Variants in SPATA1 observed in about 807,000 individuals in gnomAD.
The protein encoded by SPATA1 is spermatogenesis associated 1.
Under a neutral mutation model 59.6 loss-of-function variants are expected in SPATA1, and 57 were observed. The observed-to-expected ratio is 0.96, with a 90% confidence interval of 0.77 to 1.19. The LOEUF is 1.19. SPATA1 is among the 50% of genes most tolerant of loss of function. The probability of loss-of-function intolerance (pLI) is 0.00; values close to 1 mark genes in which losing one functional copy is unlikely to be tolerated. For synonymous variants in SPATA1, 147 were observed against 163.9 expected, an observed-to-expected ratio of 0.90 and a Z score of 0.79; for missense variants, 448 against 480.7, an observed-to-expected ratio of 0.93 and a Z score of 0.64.
intron 1 of SPATA1, among the ~76,000 whole-genome samples, chr1:84,511,073 A>G (rs1209275076): frequency 6.6e-6 from 1 of 152,224 alleles, no homozygotes. Flanking sequence ...GATAAAGTGA[A>G]TAAAATCTAG....
downstream of SPATA1, chr1:84,555,160 G>A (rs1440724696): frequency 1.9e-6 from 3 of 1,613,730 alleles, no homozygotes; most frequent in Non-Finnish European, 2.5e-6. Context: ...ATACTCTGAG[G>A]GTTATCATAC....
chr1:84,523,705 T>C (rs1223278552), intron 4 of SPATA1, among the ~76,000 whole-genome samples: 1 of 152,188 alleles, frequency 6.6e-6, no homozygotes, highest in African/African-American at 2.4e-5. Context: ...GAAGAGGTTT[T>C]GGTTATCAGA....
At chr1:84,513,714 A>G (rs1682673412) in intron 1 of SPATA1, among the ~76,000 whole-genome samples, 1 of 152,128 alleles carries the variant, frequency 6.6e-6, no homozygotes. Flanking sequence ...TCTCACTACC[A>G]GTTAACCTAG....
rs201817064 is a variant in SPATA1 at position 84,544,165 on chromosome 1, T to G, written c.718-37T>G. ...GGCAAGTGAAAAAAGAATGTGACAG[T>G]GTAGCCGATCTTACTCATTTTCACG... On this transcript the variant is annotated intron_variant, in intron 8 of 12. Transcript: ENST00000490879. 6.5e-4 allele frequency: 857 copies of G among 1,311,222 alleles called. 15 individuals carry two copies. The South Asian group carries it at 0.01, about 16-fold the overall frequency. 81.2% of individuals were successfully genotyped at this position (1,311,222 alleles called of 1,614,324 possible).
intron 1 of SPATA1, among the ~76,000 whole-genome samples, chr1:84,508,509 CT>C (rs1002607059): frequency 6.6e-6 from 1 of 152,186 alleles, no homozygotes; most frequent in Non-Finnish European, 1.5e-5. Flanking sequence ...CAAGAGGATT[CT>C]TTTAGCAATA....
At chr1:84,525,633 G>A (rs917149018) in intron 4 of SPATA1, 63 bp from the exon 5 acceptor site, 1 of 1,432,906 alleles carries the variant, frequency 7.0e-7, no homozygotes, top group African/African-American at 1.4e-5. Flanking sequence ...AAAAAGTAGA[G>A]GTAAAAATAA....
At chr1:84,534,195 C>A (rs746929236) in intron 8 of SPATA1, among the ~76,000 whole-genome samples, 1 of 151,952 alleles carries the variant, frequency 6.6e-6, no homozygotes, top group Non-Finnish European at 1.5e-5. Flanking sequence ...GGATATGTTA[C>A]CCAATTTGAA....
At chr1:84,529,469 G>C (rs1683369539) in intron 6 of SPATA1, among the ~76,000 whole-genome samples, 1 of 150,746 alleles carries the variant, frequency 6.6e-6, no homozygotes, top group Non-Finnish European at 1.5e-5. Context: ...CTTAGTAACT[G>C]TAATGGTACA....
At chr1:84,552,981 T>C in intron 12 of SPATA1, 1 of 1,162,258 alleles carries the variant, frequency 8.6e-7, no homozygotes, top group Non-Finnish European at 1.2e-6. Flanking sequence ...AACTATGATG[T>C]ACTTTTAGAA....
intron 6 of SPATA1, among the ~76,000 whole-genome samples, chr1:84,530,282 T>C (rs1420489780): frequency 1.3e-5 from 2 of 152,226 alleles, no homozygotes; most frequent in African/African-American, 2.4e-5. Flanking sequence ...GGCCTCCTTC[T>C]CAGAGATCGT....
intron 3 of SPATA1, among the ~76,000 whole-genome samples, 181 bp downstream of exon 3, chr1:84,520,872 C>T (rs1413601167): frequency 5.9e-5 from 9 of 152,104 alleles, no homozygotes; most frequent in Non-Finnish European, 1.3e-4. Context: ...TGAATCAGTT[C>T]TGTAGGAATA....
chr1:84,524,667 A>G (rs902100021), intron 4 of SPATA1, among the ~76,000 whole-genome samples: 1 of 152,148 alleles, frequency 6.6e-6, no homozygotes, highest in African/African-American at 2.4e-5. Flanking sequence ...TTGCCTAGAA[A>G]TCACTTCTCC....
At chr1:84,563,932 T>C (rs1362856595) in intron 4 of SPATA1, 4 of 1,332,990 alleles carry the variant, frequency 3.0e-6, no homozygotes, top group Non-Finnish European at 3.9e-6. Context: ...TAAAAACAAG[T>C]ACATTTATAA....
At chr1:84,538,680 T>A (rs1218013608) in intron 8 of SPATA1, among the ~76,000 whole-genome samples, 1 of 152,200 alleles carries the variant, frequency 6.6e-6, no homozygotes, top group Non-Finnish European at 1.5e-5. Flanking sequence ...CTCTATTTTT[T>A]ATTTAAACCA....
chr1:84,563,414 T>C, intron 4 of SPATA1: 1 of 1,512,720 alleles, frequency 6.6e-7, no homozygotes, highest in South Asian at 1.4e-5. Flanking sequence ...GGTACAAACA[T>C]GATCCTAGAA....
intron 11 of SPATA1, chr1:84,549,625 T>C (rs920299318): frequency 5.3e-5 from 8 of 152,062 alleles, no homozygotes; most frequent in African/African-American, 1.9e-4. Context: ...AGACATGAAG[T>C]TTATTTTATT....
chr1:84,509,665 C>G (rs1281409623), intron 1 of SPATA1, among the ~76,000 whole-genome samples: 1 of 152,170 alleles, frequency 6.6e-6, no homozygotes, highest in African/African-American at 2.4e-5. Context: ...ACTTGGGAAG[C>G]TGAGGCAGGA....
chr1:84,530,606 A>C (rs912034982), intron 6 of SPATA1, among the ~76,000 whole-genome samples: 2 of 152,236 alleles, frequency 1.3e-5, no homozygotes, highest in African/African-American at 4.8e-5. Flanking sequence ...GGAAAATGGC[A>C]ATGGGATATA....
chr1:84,520,503 A>C, intron 2 of SPATA1, 82 bp from the exon 3 acceptor site: 2 of 843,422 alleles, frequency 2.4e-6, no homozygotes, highest in Non-Finnish European at 3.5e-6. Flanking sequence ...TGTGTTTATT[A>C]AACTTAATTC....
Sources: allele counts gnomAD v4.1 joint callset (sites outside exome capture counted in the v4.1 genomes callset), GRCh38; gene constraint gnomAD v4.1.1; transcripts MANE v1.5; gene names NCBI Gene and HGNC (gene_info 2026-07-23, HGNC 2026-07-21).